MTERF4: variants seen among roughly 807,000 people sequenced by gnomAD.
MTERF4 encodes the protein transcription termination factor 4, mitochondrial.
In MTERF4, 17 loss-of-function variants were observed where a neutral mutation model predicts 22.5. That is an observed-to-expected ratio of 0.75 (90% CI 0.52 to 1.13). The LOEUF (loss-of-function observed/expected upper bound fraction) is 1.13, where lower values mean the gene tolerates loss of function less well. Ranked by LOEUF, MTERF4 falls within the 50% of genes most tolerant of loss-of-function variation. MTERF4 has a pLI of 0.00. For missense variants in MTERF4, 420 were observed against 466.8 expected (o/e 0.90, Z 0.92); for synonymous variants, 165 against 175.3 (o/e 0.94, Z 0.47).
At chr2:241,064,379 A>G in the MTERF4 span, among the ~76,000 whole-genome samples, 4 of 151,964 alleles carry the variant, frequency 2.6e-5, no homozygotes, top group Non-Finnish European at 2.9e-5. The surrounding 1 kb of genome is among the most constrained non-coding windows in gnomAD (Gnocchi z 7.0). Context: ...ACCCGAGGAC[A>G]CACCCAGGGG....
downstream of MTERF4, among the ~76,000 whole-genome samples, chr2:241,082,940 C>T (rs144424132): frequency 2.5e-4 from 38 of 151,894 alleles, no homozygotes; most frequent in Non-Finnish European, 4.7e-4. Context: ...ATTTAGTCAA[C>T]AGATGACTTA....
the MTERF4 span, among the ~76,000 whole-genome samples, chr2:241,051,034 G>A: frequency 6.6e-6 from 1 of 152,214 alleles, no homozygotes; most frequent in African/African-American, 2.4e-5. This position sits in a 1 kb window ranked among gnomAD's most constrained non-coding sequence, Gnocchi z 4.7. Flanking sequence ...GTCCTCAGGG[G>A]TGGGGCAGCC....
At chr2:241,052,789 C>A in the MTERF4 span, among the ~76,000 whole-genome samples, 3 of 109,192 alleles carry the variant, frequency 2.7e-5, no homozygotes, top group African/African-American at 4.5e-5. Flanking sequence ...TGGTGTCAGG[C>A]AGGTAAGGCC....
At chr2:241,057,098 G>A in the MTERF4 span, among the ~76,000 whole-genome samples, 1 of 152,142 alleles carries the variant, frequency 6.6e-6, no homozygotes, top group South Asian at 2.1e-4. Context: ...ATTGAAATAG[G>A]TTGGGTGCAG....
the MTERF4 span, chr2:241,052,161 AG>A: frequency 6.2e-7 from 1 of 1,611,606 alleles, no homozygotes; most frequent in Non-Finnish European, 8.5e-7. Context: ...GAGATAGGTA[AG>A]GTGGGTGGGA....
the MTERF4 span, among the ~76,000 whole-genome samples, chr2:241,052,686 T>C: frequency 0.14 from 136 of 944 alleles, 15 homozygotes; most frequent in East Asian, 0.47. Flanking sequence ...GGTGAGAGGG[T>C]CGGCGGGGGG....
chr2:241,048,644 T>C, the MTERF4 span: 1 of 1,594,864 alleles, frequency 6.3e-7, no homozygotes, highest in Non-Finnish European at 8.5e-7. Flanking sequence ...GGGAGGCTCC[T>C]CCCTCTCTTC....
the MTERF4 span, among the ~76,000 whole-genome samples, chr2:241,057,458 C>A: frequency 2.8e-5 from 4 of 145,450 alleles, no homozygotes; most frequent in African/African-American, 1.0e-4. Flanking sequence ...CAAGGCAAGA[C>A]GATCATTTGA....
At chr2:241,087,610 TG>T, downstream of MTERF4, 1 of 1,445,278 alleles carries the variant, frequency 6.9e-7, no homozygotes, top group Non-Finnish European at 9.1e-7. Flanking sequence ...AGGCAGCCCC[TG>T]GGCAGCCACG....
At chr2:241,098,563 T>C (rs530873026) in intron 2 of MTERF4, among the ~76,000 whole-genome samples, 83 of 151,714 alleles carry the variant, frequency 5.5e-4, no homozygotes, top group South Asian at 1.2e-3. Context: ...GGGGCAGGAG[T>C]GGGGGATAAA....
At chr2:241,054,174 C>T in the MTERF4 span, among the ~76,000 whole-genome samples, 5 of 152,152 alleles carry the variant, frequency 3.3e-5, no homozygotes, top group African/African-American at 1.2e-4. Flanking sequence ...AGATGACCCC[C>T]CCTCCCAATG....
Position 241,096,253 on chromosome 2 carries a change from T to G in MTERF4, c.891A>C (p.Ser297=). 6.2e-7 allele frequency: 1 copy of G among 1,614,234 alleles called. No individual in the cohort carries two copies. The highest frequency in any genetic ancestry group is 8.5e-7 in the Non-Finnish European group (1 of 1,180,044). The change falls in exon 4 of 4, where the codon TCA becomes TCC. Residue 297 remains serine (S), a synonymous_variant. Transcript: ENST00000391980. The surrounding 1 kb of genome is among the most constrained non-coding windows in gnomAD (Gnocchi z 5.1). ...NPLLKDILRV[S]EAEFLARTAC... is the part of the protein sequence containing the mutation. ...CTGTCCTGGCCAAAAACTCAGCTTC[T>G]GAAACTCTGAGAATGTCCTTGAGCA...
At chr2:241,078,842 G>A (rs1370651915) in intron 4 of MTERF4, among the ~76,000 whole-genome samples, 2 of 151,974 alleles carry the variant, frequency 1.3e-5, no homozygotes, top group Admixed American at 6.5e-5. Context: ...GGCCAGGCAC[G>A]GTGGCTCATG....
At chr2:241,049,186 A>G in the MTERF4 span, 20 of 1,437,624 alleles carry the variant, frequency 1.4e-5, no homozygotes, top group Non-Finnish European at 1.9e-5. Flanking sequence ...GACAGAAGCC[A>G]GGGAGAAAGC....
chr2:241,090,036 AAATT>A, downstream of MTERF4: 2 of 1,545,518 alleles, frequency 1.3e-6, no homozygotes, highest in Non-Finnish European at 8.7e-7. Context: ...GCACAATAAT[AAATT>A]AGTCCTGCAA....
At chr2:241,077,240 C>T (rs970182126) in intron 4 of MTERF4, among the ~76,000 whole-genome samples, 2 of 152,090 alleles carry the variant, frequency 1.3e-5, no homozygotes, top group Admixed American at 6.6e-5. Context: ...AGGCCGGAGC[C>T]CTCGTACCAT....
the MTERF4 span, among the ~76,000 whole-genome samples, chr2:241,061,488 C>T: frequency 2.6e-5 from 4 of 152,178 alleles, no homozygotes; most frequent in African/African-American, 4.8e-5. Flanking sequence ...TGCTCATTTA[C>T]GTCAACTGTG....
chr2:241,089,737 T>G (rs975237129), downstream of MTERF4, among the ~76,000 whole-genome samples: 1 of 152,254 alleles, frequency 6.6e-6, no homozygotes, highest in Non-Finnish European at 1.5e-5. Flanking sequence ...GGAGATGCAT[T>G]CTGAGAAATG....
chr2:241,065,986 G>A, the MTERF4 span, among the ~76,000 whole-genome samples: 2 of 152,138 alleles, frequency 1.3e-5, no homozygotes, highest in African/African-American at 2.4e-5. Context: ...TGCTCTGAAG[G>A]CCTGGGGAGA....
Sources: gnomAD v4.1 joint callset for allele counts (sites outside exome capture counted in the v4.1 genomes callset) on GRCh38, gnomAD v4.1.1 for gene constraint, Gnocchi (gnomAD v3.1) non-coding constraint, MANE v1.5 for transcripts, NCBI Gene and HGNC (gene_info 2026-07-23, HGNC 2026-07-21) for gene names.